The following CLDN14 variants were observed in gnomAD, a reference collection of about 807,000 sequenced individuals.
CLDN14 encodes the protein claudin-14.
Under a neutral mutation model 2.1 loss-of-function variants are expected in CLDN14, and 2 were observed. That is an observed-to-expected ratio of 0.96 (90% confidence interval 0.39 to 3.01). The LOEUF is 3.01. Ranked by LOEUF, CLDN14 falls within the 30% of genes most tolerant of loss-of-function variation. The probability of loss-of-function intolerance (pLI) is 0.09; values close to 1 mark genes in which losing one functional copy is unlikely to be tolerated. For synonymous variants in CLDN14, 136 were observed against 154.4 expected (o/e 0.88, Z 0.88); for missense variants, 298 against 328.0 (o/e 0.91, Z 0.71).
rs1404080864 is a variant in CLDN14 at position 36,461,204 on chromosome 21, C to G, written c.492G>C (p.Leu164=). 6.2e-7 allele frequency: 1 copy of G among 1,614,138 alleles called. No individual in the cohort carries two copies. The highest frequency in any genetic ancestry group is 1.1e-5 in the South Asian group (1 of 91,088). The change falls in exon 2 of 2, where the codon CTG becomes CTC. Residue 164 remains leucine (L), a synonymous_variant. Coordinates refer to ENST00000399135, the MANE Select transcript of CLDN14 (RefSeq NM_001146079.2). The part of the protein sequence containing the change: ...SGMKFEIGQA[L]YLGFISSSLS... ...GGGACGAGGAGATGAAGCCCAGGTA[C>G]AGGGCCTGGCCAATCTCAAACTTCA...
At chr21:36,556,430 G>C (rs2087599637) in intron 1 of CLDN14, among the ~76,000 whole-genome samples, 1 of 152,110 alleles carries the variant, frequency 6.6e-6, no homozygotes, top group African/African-American at 2.4e-5. Flanking sequence ...CCTTTTTTGG[G>C]ATCTCTTTAT....
chr21:36,461,357 G>A lies in CLDN14; in HGVS notation c.339C>T (p.Ala113=). 6.2e-7 allele frequency: 1 copy of A among 1,613,308 alleles called. No individual in the cohort carries two copies. The highest frequency in any genetic ancestry group is 1.7e-5 in the Admixed American group (1 of 60,030). Residue 113 remains alanine (A), a synonymous_variant, in exon 2 of 2, where the codon GCC becomes GCT. Transcript: ENST00000399135. ...CGCCGAGGATGGCAAAGGTGGTCTT[G>A]GCGGGTGTGCCCTTGGCGCAGCGCG... The part of the protein sequence containing the change: ...KCTRCAKGTP[A]KTTFAILGGT...
chr21:36,568,914 G>C (rs962275148), intron 1 of CLDN14, among the ~76,000 whole-genome samples: 7 of 152,154 alleles, frequency 4.6e-5, no homozygotes, highest in Admixed American at 3.3e-4. Context: ...TGATTAACCA[G>C]TTTGACTTTT....
At chr21:36,559,474 G>A (rs574501838) in intron 1 of CLDN14, among the ~76,000 whole-genome samples, 3 of 152,318 alleles carry the variant, frequency 2.0e-5, no homozygotes, top group South Asian at 4.1e-4. Flanking sequence ...TGGGATTACA[G>A]GCCTGAGCCA....
rs905175030 is a variant in CLDN14 at position 36,563,889 on chromosome 21, C to T, written c.-220+12522G>A. Among the ~76,000 whole-genome samples the T allele has an allele frequency of 4.6e-5, 7 of 152,192 alleles. No homozygotes were observed. In the East Asian group the frequency reaches 1.2e-3, roughly 25 times the overall value. Reference sequence around the variant, plus strand: ...ACTCCCTCTCCCCCAGGCGCCATTACGCCATATTTGAATTATGTTATCAAA... The same window carrying T: ...ACTCCCTCTCCCCCAGGCGCCATTATGCCATATTTGAATTATGTTATCAAA... On this transcript the variant is annotated intron_variant, in intron 1 of 2. Transcript: ENST00000342108.
chr21:36,489,131 A>AAAT, intron 2 of CLDN14, among the ~76,000 whole-genome samples: 1,517 of 62,654 alleles, frequency 0.024, 33 homozygotes, highest in African/African-American at 0.031. Context: ...AAAAAAAAAA[A>AAAT]ATATATATAT....
chr21:36,564,758 A>T (rs1432674792), intron 1 of CLDN14, among the ~76,000 whole-genome samples: 1 of 152,194 alleles, frequency 6.6e-6, no homozygotes, highest in Non-Finnish European at 1.5e-5. Context: ...GAATAAGGAG[A>T]TTATCAGGTG....
chr21:36,516,696 G>C (rs915650674), intron 1 of CLDN14, among the ~76,000 whole-genome samples: 3 of 152,248 alleles, frequency 2.0e-5, no homozygotes, highest in Admixed American at 6.5e-5. Context: ...GCAATTCCCA[G>C]TTTGGTTCAG....
chr21:36,568,673 C>A (rs2087689140), intron 1 of CLDN14, among the ~76,000 whole-genome samples: 1 of 152,154 alleles, frequency 6.6e-6, no homozygotes, highest in Admixed American at 6.5e-5. Flanking sequence ...TACAGTGAGC[C>A]ATGATCATGC....
At chr21:36,484,661 CTCT>C (rs2086877329), upstream of CLDN14, among the ~76,000 whole-genome samples, 1 of 152,184 alleles carries the variant, frequency 6.6e-6, no homozygotes, top group Admixed American at 6.5e-5. Context: ...ACACGTCGTT[CTCT>C]TCTTATAAGG....
intron 1 of CLDN14, among the ~76,000 whole-genome samples, chr21:36,558,452 C>A (rs1460865610): frequency 6.6e-6 from 1 of 151,224 alleles, no homozygotes; most frequent in African/African-American, 2.4e-5. Context: ...GTGTCTTCTC[C>A]AATTTATTTC....
intron 2 of CLDN14, chr21:36,486,507 G>T: frequency 6.4e-7 from 1 of 1,564,718 alleles, no homozygotes; most frequent in Non-Finnish European, 8.8e-7. Flanking sequence ...CTGGCACCGA[G>T]ACCCAGCATG....
chr21:36,573,170 G>A (rs1294186038), intron 1 of CLDN14, among the ~76,000 whole-genome samples: 1 of 152,018 alleles, frequency 6.6e-6, no homozygotes, highest in Non-Finnish European at 1.5e-5. Context: ...GCGTGGTGGT[G>A]GGCGCCTGTA....
chr21:36,488,423 C>T (rs958020904), intron 2 of CLDN14, among the ~76,000 whole-genome samples: 11 of 152,158 alleles, frequency 7.2e-5, no homozygotes, highest in South Asian at 4.1e-4. Flanking sequence ...AGGCACGTGC[C>T]GCCATGCCCA....
chr21:36,483,700 G>A (rs138450323), upstream of CLDN14, among the ~76,000 whole-genome samples: 4 of 152,332 alleles, frequency 2.6e-5, no homozygotes, highest in Non-Finnish European at 4.4e-5. Flanking sequence ...GATGCAAAGT[G>A]CCCGGCGTGG....
exon 2 of CLDN14, chr21:36,510,478 C>G (rs776693720): frequency 1.3e-5 from 2 of 152,290 alleles, no homozygotes; most frequent in Non-Finnish European, 2.9e-5. Flanking sequence ...GGCTTGTGTC[C>G]AGATCTCTGG....
chr21:36,556,203 G>C (rs1601635778), intron 1 of CLDN14, among the ~76,000 whole-genome samples: 1 of 152,258 alleles, frequency 6.6e-6, no homozygotes, highest in African/African-American at 2.4e-5. Context: ...TGCTTCTCTT[G>C]GGTCCTCAAT....
intron 1 of CLDN14, among the ~76,000 whole-genome samples, chr21:36,515,101 CA>C (rs1374992127): frequency 2.0e-5 from 3 of 152,158 alleles, no homozygotes; most frequent in Non-Finnish European, 4.4e-5. Flanking sequence ...AACGCTTTTG[CA>C]CTATTGGGGA....
chr21:36,514,719 G>A (rs958027624), intron 1 of CLDN14, among the ~76,000 whole-genome samples: 4 of 151,436 alleles, frequency 2.6e-5, no homozygotes, highest in Admixed American at 6.6e-5. Context: ...GGAGAAGGGG[G>A]AGAAGGGGAG....
Sources: gnomAD v4.1 joint callset for allele counts (sites outside exome capture counted in the v4.1 genomes callset) on GRCh38, gnomAD v4.1.1 for gene constraint, MANE v1.5 for transcripts, NCBI Gene and HGNC (gene_info 2026-07-23, HGNC 2026-07-21) for gene names.